ZNF487: variants seen among roughly 807,000 people sequenced by gnomAD.
ZNF487 encodes the protein zinc finger protein 487.
Under a neutral mutation model 3.0 loss-of-function variants are expected in ZNF487, and 4 were observed. The ratio of observed to expected loss-of-function variants is 1.35; its 90% CI spans 0.66 to 3.08. ZNF487 has a LOEUF of 3.08. Among genes scored for constraint, ZNF487 ranks in the 30% most tolerant of loss-of-function variants. ZNF487 has a pLI of 0.01. For missense variants in ZNF487, 146 were observed against 98.7 expected (o/e 1.48, Z -2.03); for synonymous variants, 55 against 34.6 (o/e 1.59, Z -2.06).
chr10:43,468,258 AT>A (rs1840775982), intron 1 of ZNF487, among the ~76,000 whole-genome samples: 1 of 152,206 alleles, frequency 6.6e-6, no homozygotes, highest in African/African-American at 2.4e-5. Flanking sequence ...ACAACAAAGG[AT>A]TTAGACTTAC....
At chr10:43,439,863 A>G (rs908649632) in intron 1 of ZNF487, among the ~76,000 whole-genome samples, 1 of 152,174 alleles carries the variant, frequency 6.6e-6, no homozygotes, top group African/African-American at 2.4e-5. Context: ...TCATGTAAAC[A>G]GAAAAGTAGA....
At chr10:43,450,737 G>A (rs1008040111) in intron 1 of ZNF487, among the ~76,000 whole-genome samples, 2 of 152,050 alleles carry the variant, frequency 1.3e-5, no homozygotes, top group Non-Finnish European at 2.9e-5. Context: ...TATAGATCAA[G>A]TATTTCTGAT....
intron 1 of ZNF487, among the ~76,000 whole-genome samples, chr10:43,466,504 T>G (rs191976202): frequency 0.034 from 5,126 of 150,580 alleles, 113 homozygotes; most frequent in South Asian, 0.042. Flanking sequence ...CTGGGTTCAA[T>G]TGATTCTCCT....
chr10:43,457,295 C>G (rs1219194746), intron 1 of ZNF487, among the ~76,000 whole-genome samples: 1 of 151,878 alleles, frequency 6.6e-6, no homozygotes, highest in African/African-American at 2.4e-5. Flanking sequence ...CGGTGGCTAA[C>G]GCCTGTAATC....
the ZNF487 span, among the ~76,000 whole-genome samples, chr10:43,506,215 C>G: frequency 6.6e-6 from 1 of 152,168 alleles, no homozygotes; most frequent in Non-Finnish European, 1.5e-5. Context: ...CCTTCCTTAT[C>G]AAAAGGACCA....
At chr10:43,500,944 C>T in the ZNF487 span, among the ~76,000 whole-genome samples, 2 of 152,210 alleles carry the variant, frequency 1.3e-5, no homozygotes, top group African/African-American at 2.4e-5. Context: ...ATTCAGCATA[C>T]AGTTATGCCT....
At chr10:43,453,265 C>G (rs1274721117) in intron 1 of ZNF487, 3 of 152,176 alleles carry the variant, frequency 2.0e-5, no homozygotes, top group Non-Finnish European at 4.4e-5. Flanking sequence ...GTAGGAGATA[C>G]ACACTTGCAT....
chr10:43,519,431 T>C, the ZNF487 span, among the ~76,000 whole-genome samples: 1 of 152,100 alleles, frequency 6.6e-6, no homozygotes, highest in Non-Finnish European at 1.5e-5. Flanking sequence ...AGGATAAATC[T>C]ATGATTTCTC....
At position 43,482,859 on chromosome 10, in the gene ZNF487, T is replaced by C. The variant is rs1841416146; in HGVS notation, c.*937T>C. ...ATGTAATGAATGTGAGAAAATGTTCTACCACAAGTCATCCCTCACAGTACA... is the reference window on the plus strand; with the variant it reads ...ATGTAATGAATGTGAGAAAATGTTCCACCACAAGTCATCCCTCACAGTACA... On this transcript the variant is annotated 3_prime_UTR_variant, in exon 4 of 4. Transcript: ENST00000437590. 1 of 530,518 alleles carries C rather than the reference T, an allele frequency of 1.9e-6. No homozygotes were observed. The highest frequency in any genetic ancestry group is 3.9e-6 in the Non-Finnish European group (1 of 258,216). 32.9% of individuals were successfully genotyped at this position (530,518 alleles called of 1,614,324 possible). A position where few individuals can be genotyped will look rare whatever the true frequency, so the allele number is the denominator to read the frequency against.
intron 1 of ZNF487, among the ~76,000 whole-genome samples, chr10:43,439,731 A>G (rs1839515827): frequency 6.6e-6 from 1 of 152,136 alleles, no homozygotes; most frequent in Non-Finnish European, 1.5e-5. Flanking sequence ...TGAAAATAAA[A>G]AAGAAAATGT....
chr10:43,455,716 C>T lies in ZNF487; in HGVS notation c.-94+18454C>T, dbSNP rs1019133243. Among the ~76,000 whole-genome samples the T allele has an allele frequency of 5.3e-4, 81 of 152,338 alleles. 1 individual carries two copies. Among genetic ancestry groups the T allele is most frequent in the African/African-American group, 1.9e-3 (77 of 41,580 alleles). On this transcript the variant is annotated intron_variant, in intron 1 of 3. Coordinates refer to ENST00000437590, the MANE Select transcript of ZNF487 (RefSeq NM_001355444.3). ...AGGGCTGGGCGCGGTGGGGTCGCCT[C>T]TGGGGTCAAAGAGCACGCCGAGCCC...
At chr10:43,451,016 T>G (rs898793960) in intron 1 of ZNF487, among the ~76,000 whole-genome samples, 7 of 149,136 alleles carry the variant, frequency 4.7e-5, no homozygotes, top group Admixed American at 2.0e-4. Context: ...GGCGCGATCT[T>G]GGCTCACTGC....
In ZNF487 at chr10:43,482,662, AT is replaced by A. The variant is rs750894681; in HGVS notation, c.*741del. 5.1e-5 allele frequency: 25 copies of A among 490,402 alleles called. No homozygotes were observed. In the East Asian group the frequency reaches 5.4e-4, roughly 11 times the overall value. 30.4% of individuals were successfully genotyped at this position (490,402 alleles called of 1,614,324 possible). ...AGAATACATACTGGCGAGAAACCCT[AT>A]GAGTGTAAGGAATGTGGGAAAACTT... On this transcript the variant is annotated 3_prime_UTR_variant, in exon 4 of 4. Coordinates refer to ENST00000437590, the MANE Select transcript of ZNF487 (RefSeq NM_001355444.3).
rs1349559863 is a variant in ZNF487 at position 43,482,399 on chromosome 10, G to A, written c.*477G>A. 1 of 468,882 alleles carries A rather than the reference G, an allele frequency of 2.1e-6. No individual in the cohort carries two copies. Among genetic ancestry groups the A allele is most frequent in the African/African-American group, 2.0e-5 (1 of 50,164 alleles). 29.0% of individuals were successfully genotyped at this position (468,882 alleles called of 1,614,324 possible). A position where few individuals can be genotyped will look rare whatever the true frequency, so the allele number is the denominator to read the frequency against. ...TATCCTACAGCAGAGGATACACAGA[G>A]GAGAGAAACCCTATGAATGCACTGA... On this transcript the variant is annotated 3_prime_UTR_variant, in exon 4 of 4. Coordinates refer to ENST00000437590, the MANE Select transcript of ZNF487 (RefSeq NM_001355444.3).
the ZNF487 span, among the ~76,000 whole-genome samples, chr10:43,504,570 C>T: frequency 6.6e-6 from 1 of 152,120 alleles, no homozygotes; most frequent in African/African-American, 2.4e-5. Context: ...GCTGGGATTA[C>T]AGGCGTGAGC....
At chr10:43,444,084 A>G (rs1361270787) in intron 1 of ZNF487, among the ~76,000 whole-genome samples, 1 of 151,014 alleles carries the variant, frequency 6.6e-6, no homozygotes, top group Non-Finnish European at 1.5e-5. Flanking sequence ...CCATCTCCTG[A>G]CCTCGTGATC....
the ZNF487 span, among the ~76,000 whole-genome samples, chr10:43,498,114 C>CTTTTTTTTTTTTTT: frequency 4.1e-5 from 1 of 24,616 alleles, no homozygotes; most frequent in Non-Finnish European, 6.5e-5. Flanking sequence ...TTTTTTTTTT[C>CTTTTTTTTTTTTTT]TTTTTTTTTT....
the ZNF487 span, among the ~76,000 whole-genome samples, chr10:43,495,490 C>T: frequency 3.9e-5 from 6 of 152,100 alleles, no homozygotes; most frequent in South Asian, 6.2e-4. Flanking sequence ...GTGATTTGCC[C>T]GCCTGGGGCT....
intron 1 of ZNF487, among the ~76,000 whole-genome samples, chr10:43,456,769 T>C (rs1055622191): frequency 4.6e-5 from 7 of 151,984 alleles, no homozygotes; most frequent in East Asian, 1.9e-4. Flanking sequence ...TTAGTGAAGA[T>C]AGATTTTCAC....
Sources: gnomAD v4.1 joint callset for allele counts (sites outside exome capture counted in the v4.1 genomes callset) on GRCh38, gnomAD v4.1.1 for gene constraint, MANE v1.5 for transcripts, NCBI Gene and HGNC (gene_info 2026-07-23, HGNC 2026-07-21) for gene names.